The following USP34 variants were observed in gnomAD, a reference collection of about 807,000 sequenced individuals.
USP34 encodes the protein ubiquitin specific peptidase 34.
In USP34, 70 loss-of-function variants were observed where a neutral mutation model predicts 460.3. That is an observed-to-expected ratio of 0.15 (90% CI 0.13 to 0.19). USP34 has a LOEUF of 0.19. USP34 is among the 10% of genes least tolerant of loss of function. The probability of loss-of-function intolerance (pLI) is 1.00; values close to 1 mark genes in which losing one functional copy is unlikely to be tolerated. For missense variants in USP34, 3,985 were observed against 4,236.2 expected, an observed-to-expected ratio of 0.94 and a Z score of 1.65; for synonymous variants, 1,647 against 1,405.3, an observed-to-expected ratio of 1.17 and a Z score of -3.85.
chr2:61,470,053 A>C (rs2104133810), intron 1 of USP34, among the ~76,000 whole-genome samples: 1 of 152,344 alleles, frequency 6.6e-6, no homozygotes, highest in Middle Eastern at 3.4e-3. Flanking sequence ...ATCATTAACA[A>C]ATTTATTTTA....
Position 61,388,970 on chromosome 2 carries a change from T to C in USP34, c.754-5634A>G, listed in dbSNP as rs185636413. On this transcript the variant is annotated intron_variant, in intron 5 of 79. Coordinates refer to ENST00000398571, the MANE Select transcript of USP34 (RefSeq NM_014709.4). ...TATATTTTAAAAGATAATTCAACAA[T>C]AAAAATGAACATACATGCAATATAA... Among the ~76,000 whole-genome samples, 1,162 of 151,772 alleles carry C rather than the reference T, an allele frequency of 7.7e-3. 55 individuals carry two copies. Among genetic ancestry groups the C allele is most frequent in the Admixed American group, 0.07 (1,067 of 15,246 alleles).
intron 10 of USP34, among the ~76,000 whole-genome samples, chr2:61,354,889 G>C (rs1217239211): frequency 6.6e-6 from 1 of 152,142 alleles, no homozygotes; most frequent in Admixed American, 6.5e-5. Context: ...ACTCCTGATT[G>C]AGTACTTGGT....
At chr2:61,408,265 C>G (rs919348968) in intron 2 of USP34, among the ~76,000 whole-genome samples, 5 of 152,040 alleles carry the variant, frequency 3.3e-5, no homozygotes, top group African/African-American at 1.2e-4. Flanking sequence ...TTATAGGAAA[C>G]CCGACCCAGA....
At chr2:61,284,742 T>C (rs972841493) in intron 35 of USP34, 133 bp downstream of exon 35, 1 of 611,968 alleles carries the variant, frequency 1.6e-6, no homozygotes, top group South Asian at 3.0e-5. Flanking sequence ...TAAATTTGGA[T>C]GGAAGGTATG....
intron 10 of USP34, 70 bp downstream of exon 10, chr2:61,370,251 T>C (rs1251751626): frequency 6.7e-7 from 1 of 1,483,556 alleles, no homozygotes; most frequent in Non-Finnish European, 9.3e-7. Flanking sequence ...TAATAGAATT[T>C]ACCTCACAGA....
intron 18 of USP34, among the ~76,000 whole-genome samples, chr2:61,337,052 G>C (rs1044335962): frequency 6.6e-6 from 1 of 152,054 alleles, no homozygotes. Flanking sequence ...ACATACAAAA[G>C]AGGGCACAGA....
chr2:61,357,875 C>T (rs1352902996), intron 10 of USP34, among the ~76,000 whole-genome samples: 1 of 152,066 alleles, frequency 6.6e-6, no homozygotes, highest in African/African-American at 2.4e-5. Context: ...GGCAACAGAG[C>T]AAGAAATTCT....
At chr2:61,219,544 A>G (rs914595694) in intron 67 of USP34, among the ~76,000 whole-genome samples, 2 of 151,926 alleles carry the variant, frequency 1.3e-5, no homozygotes, top group African/African-American at 2.4e-5. Context: ...GGTGGCGTGC[A>G]CCTGTTATCT....
intron 10 of USP34, among the ~76,000 whole-genome samples, chr2:61,355,936 A>G (rs1192670999): frequency 6.6e-6 from 1 of 152,224 alleles, no homozygotes; most frequent in Non-Finnish European, 1.5e-5. Flanking sequence ...AATAGCAAGC[A>G]AAAGCTAGCT....
At chr2:61,349,052 G>A (rs1344032087) in intron 13 of USP34, among the ~76,000 whole-genome samples, 166 bp from the exon 14 acceptor site, 1 of 152,088 alleles carries the variant, frequency 6.6e-6, no homozygotes, top group Non-Finnish European at 1.5e-5. Flanking sequence ...TTCTAAAGAA[G>A]ATGTAAGATT....
chr2:61,463,781 C>T (rs1256068903), intron 1 of USP34, among the ~76,000 whole-genome samples: 2 of 151,610 alleles, frequency 1.3e-5, no homozygotes, highest in African/African-American at 4.9e-5. Flanking sequence ...TTGCAATGAG[C>T]CGAGATCATG....
At chr2:61,283,054 A>T in intron 37 of USP34, 91 bp downstream of exon 37, 1 of 1,362,438 alleles carries the variant, frequency 7.3e-7, no homozygotes, top group Non-Finnish European at 1.0e-6. Flanking sequence ...GGACTCACGC[A>T]TATTTGTTTC....
At chr2:61,194,566 C>T (rs994860115) in intron 75 of USP34, among the ~76,000 whole-genome samples, 1 of 152,194 alleles carries the variant, frequency 6.6e-6, no homozygotes, top group Non-Finnish European at 1.5e-5. Flanking sequence ...GGCGTGATCA[C>T]AGATCAGGGG....
chr2:61,466,955 G>C (rs1216552900), intron 1 of USP34, among the ~76,000 whole-genome samples: 1 of 151,798 alleles, frequency 6.6e-6, no homozygotes, highest in Non-Finnish European at 1.5e-5. Flanking sequence ...CCTTCTCTAA[G>C]TGTGATCACT....
At chr2:61,387,770 ATAT>A (rs1478953793) in intron 5 of USP34, among the ~76,000 whole-genome samples, 2 of 148,710 alleles carry the variant, frequency 1.3e-5, no homozygotes, top group South Asian at 2.1e-4. Context: ...CATGTAAAAT[ATAT>A]TTTTACGTAT....
At chr2:61,275,743 T>A (rs1689354729) in intron 41 of USP34, among the ~76,000 whole-genome samples, 1 of 152,130 alleles carries the variant, frequency 6.6e-6, no homozygotes, top group Non-Finnish European at 1.5e-5. Flanking sequence ...GTATAATGGT[T>A]AAAAGCTTGG....
At chr2:61,380,485 G>A in intron 6 of USP34, 124 bp from the exon 7 acceptor site, 2 of 975,260 alleles carry the variant, frequency 2.1e-6, no homozygotes, top group Admixed American at 5.6e-5. Context: ...ACAAACCTCT[G>A]GTTTTCCTCT....
At chr2:61,211,597 C>G (rs905979152) in intron 69 of USP34, among the ~76,000 whole-genome samples, 175 bp downstream of exon 69, 1 of 152,116 alleles carries the variant, frequency 6.6e-6, no homozygotes, top group Non-Finnish European at 1.5e-5. Context: ...TACACAAATA[C>G]AAACCAAAGC....
In USP34 at chr2:61,206,653, G is replaced by A. The variant is rs1032177352; in HGVS notation, c.9046+107C>T. On this transcript the variant is annotated intron_variant, in intron 71 of 79. Coordinates refer to ENST00000398571, the MANE Select transcript of USP34 (RefSeq NM_014709.4). ...TTAGCTAGCTTCAGCCTCATCTTCT[G>A]TGCATAAACTAGGATAAAAACAATT... 2.3e-5 allele frequency: 31 copies of A among 1,367,530 alleles called. No individual in the cohort carries two copies. The African/African-American group carries it at 4.1e-4, about 18-fold the overall frequency. 84.7% of individuals were successfully genotyped at this position (1,367,530 alleles called of 1,614,324 possible). A position where few individuals can be genotyped will look rare whatever the true frequency, so the allele number is the denominator to read the frequency against.
Sources: gnomAD v4.1 joint callset for allele counts (sites outside exome capture counted in the v4.1 genomes callset) on GRCh38, gnomAD v4.1.1 for gene constraint, MANE v1.5 for transcripts, NCBI Gene and HGNC (gene_info 2026-07-23, HGNC 2026-07-21) for gene names.